Variants in FGF13 observed in about 807,000 individuals in gnomAD.
FGF13 encodes fibroblast growth factor homologous factor 2.
FGF13 carries 2 observed loss-of-function variants against 19.5 expected under a neutral mutation model. The observed-to-expected ratio is 0.10, with a 90% CI of 0.04 to 0.32. The LOEUF (loss-of-function observed/expected upper bound fraction) is 0.32, where lower values mean the gene tolerates loss of function less well. Ranked by LOEUF, FGF13 falls within the 10% of genes least tolerant of loss-of-function variation. The pLI, the probability that FGF13 is intolerant of heterozygous loss-of-function variation, is 1.00. For missense variants in FGF13, 113 were observed against 192.7 expected (o/e 0.59, Z 2.45); for synonymous variants, 72 against 76.9 (o/e 0.94, Z 0.33).
intron 1 of FGF13, among the ~76,000 whole-genome samples, chrX:138,999,694 A>G (rs1368844807): frequency 8.9e-6 from 1 of 112,022 alleles, no homozygotes; most frequent in Non-Finnish European, 1.9e-5. Flanking sequence ...GCAGTAATTA[A>G]TAGCCTACCA....
At chrX:139,161,860 C>T (rs1173372496) in intron 1 of FGF13, among the ~76,000 whole-genome samples, 1 of 111,694 alleles carries the variant, frequency 9.0e-6, no homozygotes, top group African/African-American at 3.3e-5. Context: ...TGAAGGACCT[C>T]TTCAAGGAGA....
chrX:138,906,356 A>T (rs768423779), intron 1 of FGF13, among the ~76,000 whole-genome samples: 1 of 112,090 alleles, frequency 8.9e-6, no homozygotes, highest in Non-Finnish European at 1.9e-5. Flanking sequence ...CTCATTGTCT[A>T]TTGGATACTA....
chrX:138,760,031 T>A (rs2090456111), intron 3 of FGF13, among the ~76,000 whole-genome samples: 3 of 111,126 alleles, frequency 2.7e-5, no homozygotes, highest in Non-Finnish European at 5.7e-5. Context: ...TGTATGAGGA[T>A]GTAGTGGGGG....
intron 3 of FGF13, among the ~76,000 whole-genome samples, chrX:138,816,938 T>C (rs1208078444): frequency 8.9e-6 from 1 of 112,048 alleles, no homozygotes; most frequent in African/African-American, 3.2e-5. Context: ...TGTCATAGTA[T>C]CCATCTCACA....
intron 1 of FGF13, among the ~76,000 whole-genome samples, chrX:139,114,274 T>G (rs757543744): frequency 8.9e-6 from 1 of 112,412 alleles, no homozygotes; most frequent in African/African-American, 3.2e-5. Context: ...AAAATCTAGA[T>G]GTACAAAATA....
chrX:138,781,298 G>T (rs780646955), intron 3 of FGF13, among the ~76,000 whole-genome samples: 3 of 108,443 alleles, frequency 2.8e-5, no homozygotes, highest in African/African-American at 6.8e-5. Flanking sequence ...CTAGCAGAAG[G>T]CAAGAAATAA....
chrX:139,171,915 G>C (rs1191414870), intron 1 of FGF13, among the ~76,000 whole-genome samples: 1 of 111,950 alleles, frequency 8.9e-6, no homozygotes, highest in Non-Finnish European at 1.9e-5. Context: ...CTTTTCAAGA[G>C]TAAAGGATGT....
At chrX:138,877,835 T>C (rs1018613599) in intron 1 of FGF13, among the ~76,000 whole-genome samples, 2 of 112,607 alleles carry the variant, frequency 1.8e-5, no homozygotes. Flanking sequence ...TATTGATGGA[T>C]TCTCAGGTTG....
chrX:139,113,601 A>G (rs760526864), intron 1 of FGF13, among the ~76,000 whole-genome samples: 1 of 112,721 alleles, frequency 8.9e-6, no homozygotes, highest in Non-Finnish European at 1.9e-5. Flanking sequence ...GGGGTGGATT[A>G]TACTTGGCTT....
intron 3 of FGF13, among the ~76,000 whole-genome samples, chrX:138,701,833 G>A (rs2089948877): frequency 8.9e-6 from 1 of 112,359 alleles, no homozygotes; most frequent in Non-Finnish European, 1.9e-5. Flanking sequence ...GTTAAAGGTA[G>A]TGTTTCACCT....
rs149222141 is a variant in FGF13 at position 138,891,950 on chromosome X, G to C, written c.-112-27300C>G. Among the ~76,000 whole-genome samples, 863 of 108,772 alleles carry C rather than the reference G, an allele frequency of 7.9e-3. 11 individuals carry two copies. Among genetic ancestry groups the C allele is most frequent in the African/African-American group, 0.028 (803 of 29,083 alleles). 94.5% of individuals were successfully genotyped at this position (108,772 alleles called of 115,157 possible). ...TGGCCTATTGTGAGATCTTGTGATC[G>C]TGTAAGTTAATACTTAAACTCCAAT... On this transcript the variant is annotated intron_variant, in intron 1 of 2. Transcript: ENST00000421460.
chrX:139,138,902 T>C (rs965325340), intron 1 of FGF13, among the ~76,000 whole-genome samples: 1 of 108,947 alleles, frequency 9.2e-6, no homozygotes, highest in African/African-American at 3.4e-5. Flanking sequence ...AGTTTGTCTA[T>C]ACCAGCTCAC....
At chrX:138,938,366 T>A (rs1423014382) in intron 1 of FGF13, among the ~76,000 whole-genome samples, 2 of 111,734 alleles carry the variant, frequency 1.8e-5, no homozygotes, top group African/African-American at 6.5e-5. Flanking sequence ...AAAGAGTAAG[T>A]CCTTCTTCCA....
chrX:138,961,347 A>G (rs747197374), intron 1 of FGF13, among the ~76,000 whole-genome samples: 1 of 111,747 alleles, frequency 8.9e-6, no homozygotes, highest in Non-Finnish European at 1.9e-5. Context: ...CGGAGGCTGC[A>G]GAACAGCAAA....
At chrX:138,662,057 A>G (rs773477609) in intron 3 of FGF13, among the ~76,000 whole-genome samples, 1 of 111,919 alleles carries the variant, frequency 8.9e-6, no homozygotes, top group Admixed American at 9.5e-5. Flanking sequence ...ACAATGCATC[A>G]ATATAAGAAA....
At chrX:139,159,758 C>G (rs376406061) in intron 1 of FGF13, among the ~76,000 whole-genome samples, 27 of 109,363 alleles carry the variant, frequency 2.5e-4, no homozygotes, top group East Asian at 1.4e-3. Context: ...ATTACATAAT[C>G]GTAAAGGGAT....
intron 3 of FGF13, among the ~76,000 whole-genome samples, chrX:138,825,195 T>C (rs2091025856): frequency 9.0e-6 from 1 of 111,532 alleles, no homozygotes; most frequent in African/African-American, 3.3e-5. Context: ...GTATACATAA[T>C]AGTTAAAGAG....
At chrX:138,991,395 G>A (rs1472317178) in intron 1 of FGF13, among the ~76,000 whole-genome samples, 2 of 111,823 alleles carry the variant, frequency 1.8e-5, no homozygotes, top group African/African-American at 6.5e-5. Context: ...AAGAGATATG[G>A]AGCATTCTGG....
chrX:138,874,636 C>A (rs1459593695), intron 1 of FGF13, among the ~76,000 whole-genome samples: 1 of 111,909 alleles, frequency 8.9e-6, no homozygotes, highest in Non-Finnish European at 1.9e-5. Flanking sequence ...ACACTCAAAT[C>A]TAAGAAGCAG....
Sources: gnomAD v4.1 joint callset for allele counts (sites outside exome capture counted in the v4.1 genomes callset) on GRCh38, gnomAD v4.1.1 for gene constraint, MANE v1.5 for transcripts, NCBI Gene and HGNC (gene_info 2026-07-23, HGNC 2026-07-21) for gene names.